The following LHX4 variants were observed in gnomAD, a reference collection of about 807,000 sequenced individuals.
The protein encoded by LHX4 is LIM homeobox 4.
A neutral mutation model predicts 39.2 loss-of-function variants in LHX4; 16 were observed. The ratio of observed to expected loss-of-function variants is 0.41; its 90% CI spans 0.28 to 0.62. LHX4 has a LOEUF of 0.62. Among genes scored for constraint, LHX4 ranks in the 20% least tolerant of loss-of-function variants. The pLI, the probability that LHX4 is intolerant of heterozygous loss-of-function variation, is 0.33. For missense variants in LHX4, 439 were observed against 511.9 expected (o/e 0.86, Z 1.37); for synonymous variants, 206 against 198.1 (o/e 1.04, Z -0.33).
intron 1 of LHX4, among the ~76,000 whole-genome samples, chr1:180,242,662 G>A (rs1231983496): frequency 1.3e-5 from 2 of 152,112 alleles, no homozygotes; most frequent in Non-Finnish European, 2.9e-5. Context: ...TGGGTAGTGT[G>A]TTGTTCTATG....
intron 1 of LHX4, among the ~76,000 whole-genome samples, chr1:180,245,259 C>T (rs1481167020): frequency 6.6e-6 from 1 of 152,236 alleles, no homozygotes; most frequent in African/African-American, 2.4e-5. Context: ...CTGAGTTGTC[C>T]CCTACTTTCT....
At position 180,232,598 on chromosome 1, in the gene LHX4, T is replaced by C. The variant is rs1267504882; in HGVS notation, c.76+1993T>C. Among the ~76,000 whole-genome samples, 1 of 152,184 alleles carries C rather than the reference T, an allele frequency of 6.6e-6. No homozygotes were observed. The highest frequency in any genetic ancestry group is 1.5e-5 in the Non-Finnish European group (1 of 68,030). On this transcript the variant is annotated intron_variant, in intron 1 of 5. Transcript: ENST00000263726. This position sits in a 1 kb window ranked among gnomAD's most constrained non-coding sequence, Gnocchi z 5.4. Reference sequence around the variant, plus strand: ...TGGTCAGTCCTCCCTTTGTCCGAGTTTCGTGACCTTGGTTGGAGGAGGCAT... The same window carrying C: ...TGGTCAGTCCTCCCTTTGTCCGAGTCTCGTGACCTTGGTTGGAGGAGGCAT...
upstream of LHX4, among the ~76,000 whole-genome samples, chr1:180,229,870 T>C (rs1664122288): frequency 1.3e-5 from 2 of 148,566 alleles, no homozygotes. Flanking sequence ...CGCCGCCGTC[T>C]CCGACCACCT....
intron 5 of LHX4, chr1:180,272,753 G>A (rs974793450): frequency 2.6e-5 from 4 of 152,250 alleles, no homozygotes; most frequent in African/African-American, 9.6e-5. Flanking sequence ...TTCCAGTGCA[G>A]CTCTGTCAAA....
intron 1 of LHX4, among the ~76,000 whole-genome samples, chr1:180,240,678 A>G (rs1664425315): frequency 6.6e-6 from 1 of 152,222 alleles, no homozygotes; most frequent in Non-Finnish European, 1.5e-5. Flanking sequence ...GTGAGTGGGG[A>G]ATACAAATGC....
chr1:180,255,889 G>A (rs1445186532), intron 2 of LHX4, among the ~76,000 whole-genome samples: 1 of 152,258 alleles, frequency 6.6e-6, no homozygotes, highest in Non-Finnish European at 1.5e-5. Context: ...AAATTAGTCT[G>A]GGGATCAGAT....
At position 180,274,266 on chromosome 1, in the gene LHX4, A is replaced by G; in HGVS notation, c.860A>G (p.Asn287Ser). Residue 287 changes from asparagine to serine, a missense_variant, in exon 6 of 6, where the codon AAT (asparagine) becomes AGT (serine). Asn to Ser is a conservative substitution (Grantham distance 46, BLOSUM62 1). Transcript: ENST00000263726. Reference sequence around the variant, plus strand: ...GACGTTACAGGCGGACAGTTAATGAATGGGAGCTTCTCCATGGACGGGACA... The same window carrying G: ...GACGTTACAGGCGGACAGTTAATGAGTGGGAGCTTCTCCATGGACGGGACA... ...VGDVTGGQLM[N>S]GSFSMDGTGQ... 6.2e-7 allele frequency: 1 copy of G among 1,614,236 alleles called. No individual in the cohort carries two copies.
intron 3 of LHX4, among the ~76,000 whole-genome samples, chr1:180,269,134 A>AGT (rs1365443496): frequency 2.2e-4 from 3 of 13,766 alleles, no homozygotes; most frequent in African/African-American, 1.7e-3. Flanking sequence ...ATTAATGTAG[A>AGT]GTGTGTGGGG....
intron 2 of LHX4, among the ~76,000 whole-genome samples, chr1:180,264,017 G>T (rs1648213260): frequency 6.6e-6 from 1 of 152,174 alleles, no homozygotes; most frequent in Admixed American, 6.5e-5. Flanking sequence ...AGGCTGGAGT[G>T]CAGTGGCGTG....
At chr1:180,253,551 C>A (rs1367232915) in intron 2 of LHX4, among the ~76,000 whole-genome samples, 1 of 152,230 alleles carries the variant, frequency 6.6e-6, no homozygotes, top group Non-Finnish European at 1.5e-5. Context: ...TTTTGGTGAA[C>A]CCAAAAGGAG....
At chr1:180,264,986 C>T (rs1246200178) in intron 2 of LHX4, among the ~76,000 whole-genome samples, 1 of 152,186 alleles carries the variant, frequency 6.6e-6, no homozygotes. Context: ...TGGTGGGGGG[C>T]GTCTGAGGCT....
rs190407127 is a variant in LHX4 at position 180,231,233 on chromosome 1, G to C, written c.76+628G>C. Among the ~76,000 whole-genome samples the C allele has an allele frequency of 6.2e-3, 937 of 152,140 alleles. 5 individuals are homozygous for C. The highest frequency in any genetic ancestry group is 0.022 in the African/African-American group (902 of 41,506). On this transcript the variant is annotated intron_variant, in intron 1 of 5. Coordinates refer to ENST00000263726, the MANE Select transcript of LHX4 (RefSeq NM_033343.4). ...TTCCAGCTAGCCTAGGAATGCAGGG[G>C]AGGGAGAAGCGACCGCAAGTTGTGA...
chr1:180,243,171 T>G (rs969283605), intron 1 of LHX4, among the ~76,000 whole-genome samples: 1 of 152,068 alleles, frequency 6.6e-6, no homozygotes, highest in South Asian at 2.1e-4. Flanking sequence ...GTTTTTTTAG[T>G]AGAGACGGGA....
At chr1:180,237,526 T>C (rs576721088) in intron 1 of LHX4, among the ~76,000 whole-genome samples, 2 of 152,088 alleles carry the variant, frequency 1.3e-5, no homozygotes, top group South Asian at 4.2e-4. Flanking sequence ...ATGAAATGGA[T>C]TCTCCCTTGG....
chr1:180,254,747 C>T (rs138874018), intron 2 of LHX4, among the ~76,000 whole-genome samples: 19 of 152,340 alleles, frequency 1.2e-4, no homozygotes, highest in African/African-American at 4.1e-4. Flanking sequence ...TAGACATCAC[C>T]AAGCCTCGCT....
Position 180,230,481 on chromosome 1 carries a change from G to A in LHX4, c.-49G>A, listed in dbSNP as rs1212701672. 1.4e-6 allele frequency: 2 copies of A among 1,473,536 alleles called. No homozygotes were observed. Among genetic ancestry groups the A allele is most frequent in the Non-Finnish European group, 1.9e-6 (2 of 1,054,276 alleles). The allele number at this position is 1,473,536 out of a possible 1,614,324, so 91.3% of individuals were successfully genotyped here. The stretch of plus-strand genomic sequence containing the variant: ...AAATTTCTGAATCGAGCTAGAGCGA[G>A]AGAGCGAGAGATCTCCGTAGACTGC... On this transcript the variant is annotated 5_prime_UTR_variant, in exon 1 of 6. Transcript: ENST00000263726. This position sits in a 1 kb window ranked among gnomAD's most constrained non-coding sequence, Gnocchi z 5.8.
chr1:180,267,353 G>A (rs1179971518), intron 3 of LHX4, among the ~76,000 whole-genome samples: 1 of 152,268 alleles, frequency 6.6e-6, no homozygotes, highest in Non-Finnish European at 1.5e-5. Flanking sequence ...AGCCACGCCT[G>A]GAAAGGCCTA....
At chr1:180,228,794 C>G (rs1024318809), upstream of LHX4, among the ~76,000 whole-genome samples, 1 of 152,196 alleles carries the variant, frequency 6.6e-6, no homozygotes, top group African/African-American at 2.4e-5. Context: ...TAAAGGTGAG[C>G]AGGTGTCCCT....
In LHX4 at chr1:180,257,829, A is replaced by C. The variant is rs895654179; in HGVS notation, c.249-8563A>C. On this transcript the variant is annotated intron_variant, in intron 2 of 5. Coordinates refer to ENST00000263726, the MANE Select transcript of LHX4 (RefSeq NM_033343.4). The stretch of plus-strand genomic sequence containing the variant: ...TGACATGGGTCCTGGGCTGGTCCCC[A>C]CCGACTGCCTTCAATAGCCAAGAGT... Among the ~76,000 whole-genome samples the C allele has an allele frequency of 4.6e-4, 70 of 152,186 alleles. 1 individual carries two copies. The highest frequency in any genetic ancestry group is 1.6e-3 in the African/African-American group (68 of 41,432).
Sources: allele counts gnomAD v4.1 joint callset (sites outside exome capture counted in the v4.1 genomes callset), GRCh38; gene constraint gnomAD v4.1.1; non-coding constraint Gnocchi (gnomAD v3.1); transcripts MANE v1.5; gene names NCBI Gene and HGNC (gene_info 2026-07-23, HGNC 2026-07-21).